UBR1: variants seen among roughly 807,000 people sequenced by gnomAD.
UBR1 encodes the protein ubiquitin protein ligase E3 component n-recognin 1, also known as E3 ubiquitin-protein ligase UBR1.
UBR1 carries 102 observed loss-of-function variants against 242.1 expected under a neutral mutation model. That is an observed-to-expected ratio of 0.42 (90% CI 0.36 to 0.50). The LOEUF (loss-of-function observed/expected upper bound fraction) is 0.50. Among genes scored for constraint, UBR1 ranks in the 20% least tolerant of loss-of-function variants. The probability of loss-of-function intolerance (pLI) is 0.01; values close to 1 mark genes in which losing one functional copy is unlikely to be tolerated. For synonymous variants in UBR1, 675 were observed against 684.8 expected (o/e 0.99, Z 0.22); for missense variants, 1,772 against 2,101.8 (o/e 0.84, Z 3.07).
intron 31 of UBR1, chr15:43,003,466 G>A: frequency 3.1e-6 from 1 of 320,720 alleles, no homozygotes; most frequent in Non-Finnish European, 6.0e-6. Flanking sequence ...ACGTTGGCCA[G>A]GCTGGTCTCA....
At position 43,056,442 on chromosome 15, in the gene UBR1, A is replaced by G. The variant is rs764604121; in HGVS notation, c.1183T>C (p.Tyr395His). Residue 395 changes from tyrosine to histidine, a missense_variant and splice_region_variant, in exon 11 of 47, where the codon TAT (tyrosine) becomes CAT (histidine). By Grantham distance (83) the Tyr-to-His change is moderately conservative. Around this residue, in one of 3 missense-constraint regions of UBR1, gnomAD observed 734 missense variants for 893.3 expected, o/e 0.82. Coordinates refer to ENST00000290650, the MANE Select transcript of UBR1 (RefSeq NM_174916.3). ...TATTCTTTCTGCAGTTGTTTATAAT[A>G]CTGAAATATATAAGTAGAGAATCAA... ...KKLFAMEFVK[Y>H]YKQLQKEYIS... 2 of 1,581,902 alleles carry G rather than the reference A, an allele frequency of 1.3e-6. No homozygotes were observed. The highest frequency in any genetic ancestry group is 1.1e-5 in the South Asian group (1 of 90,342).
chr15:43,026,687 T>G lies in UBR1; in HGVS notation c.2433-24A>C, dbSNP rs372188539. The G allele has an allele frequency of 3.2e-6, 5 of 1,560,666 alleles. No homozygotes were observed. The African/African-American group carries it at 5.4e-5, about 17-fold the overall frequency. ...TCCTAAATAGATGGAAAATACAAGATGAACTGCAGTGTTCTTGAAGTATAA... is the reference window on the plus strand; with the variant it reads ...TCCTAAATAGATGGAAAATACAAGAGGAACTGCAGTGTTCTTGAAGTATAA... On this transcript the variant is annotated intron_variant, in intron 22 of 46. Transcript: ENST00000290650.
chr15:42,991,900 A>G (rs1189848431), intron 33 of UBR1, among the ~76,000 whole-genome samples: 2 of 151,852 alleles, frequency 1.3e-5, no homozygotes, highest in Non-Finnish European at 2.9e-5. Context: ...CACCAAACAG[A>G]GCTAATTTTT....
chr15:43,017,163 G>A lies in UBR1; in HGVS notation c.2959C>T (p.Arg987Ter), dbSNP rs1249254589. The change falls in exon 28 of 47, where the codon CGA becomes TGA. Residue 987 changes from arginine (R) to a stop codon, truncating the protein, a stop_gained. Coordinates refer to ENST00000290650, the MANE Select transcript of UBR1 (RefSeq NM_174916.3). LOFTEE classifies it high-confidence loss of function. ...ATTAAACAAGATTTTTCTCTTAATC[G>A]CTTCACTGTGTCAAACATCTGTGAA... is the stretch of plus-strand genomic sequence containing the variant. ...WILQMFDTVKRLREKSCLIVA... is the reference protein window; with the variant it reads ...WILQMFDTVK 8 of 1,612,878 alleles carry A rather than the reference G, an allele frequency of 5.0e-6. No individual in the cohort carries two copies. The highest frequency in any genetic ancestry group is 6.8e-6 in the Non-Finnish European group (8 of 1,179,652).
chr15:43,087,224 T>C (rs1215148070), intron 1 of UBR1, among the ~76,000 whole-genome samples: 2 of 151,770 alleles, frequency 1.3e-5, no homozygotes, highest in African/African-American at 2.4e-5. Context: ...GCTAACACAG[T>C]GAAACCCCGC....
chr15:42,984,766 A>G (rs2032433571), intron 36 of UBR1, 121 bp downstream of exon 36: 6 of 873,474 alleles, frequency 6.9e-6, no homozygotes, highest in Non-Finnish European at 1.1e-5. Flanking sequence ...TTTTTTCCCC[A>G]CTATAGAATT....
intron 3 of UBR1, among the ~76,000 whole-genome samples, chr15:43,077,824 CAAAA>C (rs1220829282): frequency 2.6e-5 from 4 of 151,716 alleles, no homozygotes; most frequent in Non-Finnish European, 4.4e-5. Flanking sequence ...AAAAATTATC[CAAAA>C]TATACTACCT....
intron 29 of UBR1, among the ~76,000 whole-genome samples, chr15:43,007,613 T>C (rs1240835336): frequency 6.6e-6 from 1 of 152,032 alleles, no homozygotes; most frequent in Non-Finnish European, 1.5e-5. Context: ...TGAATAAATT[T>C]TGGAAAATCT....
At chr15:43,030,142 A>G in intron 20 of UBR1, 74 bp from the exon 21 acceptor site, 1 of 1,499,098 alleles carries the variant, frequency 6.7e-7, no homozygotes, top group Non-Finnish European at 9.1e-7. Context: ...CATCAGAAGC[A>G]CTTACACACA....
At chr15:43,013,890 T>C (rs2032964433) in intron 29 of UBR1, among the ~76,000 whole-genome samples, 1 of 144,250 alleles carries the variant, frequency 6.9e-6, no homozygotes, top group African/African-American at 2.5e-5. Flanking sequence ...CTCCCCACGG[T>C]CTCCCTCTCC....
At chr15:42,973,383 C>T (rs895039521) in intron 39 of UBR1, among the ~76,000 whole-genome samples, 1 of 152,100 alleles carries the variant, frequency 6.6e-6, no homozygotes, top group African/African-American at 2.4e-5. Flanking sequence ...GCAATCTATG[C>T]CTCCTGGGTT....
chr15:43,014,462 C>G (rs1424900789), intron 29 of UBR1, among the ~76,000 whole-genome samples: 1 of 152,112 alleles, frequency 6.6e-6, no homozygotes, highest in Non-Finnish European at 1.5e-5. Flanking sequence ...GCTGCCATCC[C>G]ATCTAGGAAG....
At chr15:43,021,094 CTT>C (rs1367205260) in intron 27 of UBR1, 179 bp downstream of exon 27, 2 of 536,426 alleles carry the variant, frequency 3.7e-6, no homozygotes, top group African/African-American at 3.8e-5. Flanking sequence ...ATGAATAAAT[CTT>C]AGTTTATTTT....
At position 42,988,627 on chromosome 15, in the gene UBR1, A is replaced by C. The variant is rs984422316; in HGVS notation, c.3997+192T>G. Reference sequence around the variant, plus strand: ...ACTTATGTTGCATATGGCCACAATCATAGTTAAAAAGAGATCAACATAAAA... The same window carrying C: ...ACTTATGTTGCATATGGCCACAATCCTAGTTAAAAAGAGATCAACATAAAA... On this transcript the variant is annotated intron_variant, in intron 35 of 46. Coordinates refer to ENST00000290650, the MANE Select transcript of UBR1 (RefSeq NM_174916.3). 56 of 724,492 alleles carry C rather than the reference A, an allele frequency of 7.7e-5. No individual in the cohort carries two copies. In the African/African-American group the frequency reaches 9.2e-4, roughly 12 times the overall value. 44.9% of individuals were successfully genotyped at this position (724,492 alleles called of 1,614,324 possible). A position where few individuals can be genotyped will look rare whatever the true frequency, so the allele number is the denominator to read the frequency against.
chr15:43,055,500 C>T (rs1490238609), intron 11 of UBR1, among the ~76,000 whole-genome samples: 5 of 152,122 alleles, frequency 3.3e-5, no homozygotes, highest in Admixed American at 3.3e-4. Flanking sequence ...TGACTTCTAG[C>T]ACACTACGAT....
intron 1 of UBR1, among the ~76,000 whole-genome samples, chr15:43,096,153 G>A (rs2034156573): frequency 6.6e-6 from 1 of 151,820 alleles, no homozygotes; most frequent in Non-Finnish European, 1.5e-5. Context: ...TAAACGTGGG[G>A]GTGGCTATGG....
intron 12 of UBR1, among the ~76,000 whole-genome samples, chr15:43,050,845 T>C (rs577718429): frequency 6.6e-6 from 1 of 152,038 alleles, no homozygotes; most frequent in Admixed American, 6.5e-5. Flanking sequence ...TCACTGATCA[T>C]TGGAGAAATG....
chr15:43,016,218 CT>C (rs1215285283), intron 28 of UBR1, among the ~76,000 whole-genome samples: 2 of 152,152 alleles, frequency 1.3e-5, no homozygotes, highest in African/African-American at 4.8e-5. Context: ...ATCTTGATTT[CT>C]AACAGTTACT....
At chr15:42,976,933 C>A (rs114229411) in intron 38 of UBR1, 66 bp from the exon 39 acceptor site, 3 of 1,554,638 alleles carry the variant, frequency 1.9e-6, no homozygotes, top group African/African-American at 2.7e-5. Context: ...AATGTCATAA[C>A]TAAATGTGAA....
Sources: allele counts gnomAD v4.1 joint callset (sites outside exome capture counted in the v4.1 genomes callset), GRCh38; gene constraint gnomAD v4.1.1; regional missense constraint gnomAD v4.1.1; transcripts MANE v1.5; gene names NCBI Gene and HGNC (gene_info 2026-07-23, HGNC 2026-07-21).